The following TRPM6 variants were observed in gnomAD, a reference collection of about 807,000 sequenced individuals.
TRPM6 encodes the protein transient receptor potential cation channel subfamily M member 6.
TRPM6 carries 111 observed loss-of-function variants against 247.6 expected under a neutral mutation model. The observed-to-expected ratio is 0.45, with a 90% CI of 0.38 to 0.52. TRPM6 has a LOEUF of 0.52. Among genes scored for constraint, TRPM6 ranks in the 20% least tolerant of loss-of-function variants. The probability of loss-of-function intolerance (pLI) is 0.00; values close to 1 mark genes in which losing one functional copy is unlikely to be tolerated. For synonymous variants in TRPM6, 892 were observed against 853.8 expected, an observed-to-expected ratio of 1.04 and a Z score of -0.78; for missense variants, 2,126 against 2,421.5, an observed-to-expected ratio of 0.88 and a Z score of 2.56.
In TRPM6 at chr9:74,763,137, A is replaced by T. The variant is rs1564002986; in HGVS notation, c.3537-3T>A. Reference sequence around the variant, plus strand: ...GCTGGAAGTACATCTCTGTAACCCTAGTGGTGAAGGAAGGGAGAAAACCAA... The same window carrying T: ...GCTGGAAGTACATCTCTGTAACCCTTGTGGTGAAGGAAGGGAGAAAACCAA... On this transcript the variant is annotated splice_polypyrimidine_tract_variant and splice_region_variant and intron_variant, in intron 25 of 38. Coordinates refer to ENST00000360774, the MANE Select transcript of TRPM6 (RefSeq NM_017662.5). 6.2e-7 allele frequency: 1 copy of T among 1,608,208 alleles called. No individual in the cohort carries two copies. Among genetic ancestry groups the T allele is most frequent in the Admixed American group, 1.7e-5 (1 of 60,006 alleles).
chr9:74,792,991 T>C (rs1447782411), intron 18 of TRPM6, among the ~76,000 whole-genome samples: 1 of 152,080 alleles, frequency 6.6e-6, no homozygotes, highest in Non-Finnish European at 1.5e-5. Flanking sequence ...ACCCTGCCTC[T>C]ACTAAAAATA....
chr9:74,887,892 T>C lies in TRPM6; in HGVS notation c.-36A>G. 6.2e-7 allele frequency: 1 copy of C among 1,613,840 alleles called. No homozygotes were observed. The highest frequency in any genetic ancestry group is 8.5e-7 in the Non-Finnish European group (1 of 1,179,898). ...CAGGCCCTGCTCCCAAAGCCCTGTCTGAGCTTTTAACTGTGGAGGCAGAAA... is the reference window on the plus strand; with the variant it reads ...CAGGCCCTGCTCCCAAAGCCCTGTCCGAGCTTTTAACTGTGGAGGCAGAAA... On this transcript the variant is annotated 5_prime_UTR_variant, in exon 1 of 39. Coordinates refer to ENST00000360774, the MANE Select transcript of TRPM6 (RefSeq NM_017662.5).
chr9:74,750,928 G>A (rs185239894), intron 29 of TRPM6, among the ~76,000 whole-genome samples: 199 of 152,238 alleles, frequency 1.3e-3, no homozygotes, highest in African/African-American at 4.6e-3. Context: ...TGTGTTGATG[G>A]ACTTTAACAG....
chr9:74,882,512 C>T (rs896396435), intron 1 of TRPM6, among the ~76,000 whole-genome samples: 2 of 152,128 alleles, frequency 1.3e-5, no homozygotes, highest in Non-Finnish European at 2.9e-5. Flanking sequence ...TGAAAATATG[C>T]TCAACATCAC....
chr9:74,803,891 G>A lies in TRPM6; in HGVS notation c.1639-5C>T. 6.3e-7 allele frequency: 1 copy of A among 1,597,374 alleles called. No homozygotes were observed. Reference sequence around the variant, plus strand: ...TCCTGAGGAGTGTCTCTGGTGCTGGGAAAGGTTTTGAACAAAGCTGGTCAC... The same window carrying A: ...TCCTGAGGAGTGTCTCTGGTGCTGGAAAAGGTTTTGAACAAAGCTGGTCAC... On this transcript the variant is annotated splice_polypyrimidine_tract_variant and splice_region_variant and intron_variant, in intron 14 of 38. Coordinates refer to ENST00000360774, the MANE Select transcript of TRPM6 (RefSeq NM_017662.5).
intron 21 of TRPM6, 109 bp from the exon 22 acceptor site, chr9:74,782,962 G>A (rs977494032): frequency 2.8e-6 from 3 of 1,079,752 alleles, no homozygotes; most frequent in Non-Finnish European, 4.2e-6. Context: ...AGATTGTCTA[G>A]TCATTGACTA....
intron 13 of TRPM6, among the ~76,000 whole-genome samples, chr9:74,809,862 C>T (rs545726094): frequency 6.6e-6 from 1 of 151,436 alleles, no homozygotes; most frequent in East Asian, 2.0e-4. Flanking sequence ...CATCTGTAGT[C>T]CCAGCTATTC....
intron 1 of TRPM6, among the ~76,000 whole-genome samples, chr9:74,877,436 C>G (rs1284118807): frequency 6.6e-6 from 1 of 152,164 alleles, no homozygotes; most frequent in Non-Finnish European, 1.5e-5. Flanking sequence ...CATGTGATGG[C>G]ATTGCTCCAG....
intron 5 of TRPM6, among the ~76,000 whole-genome samples, chr9:74,834,456 C>CTTATTATTATTATTATTA (rs113274138): frequency 3.5e-4 from 53 of 150,090 alleles, no homozygotes; most frequent in African/African-American, 1.2e-3. Context: ...ATTATGAATG[C>CTTATTATTATTATTATTA]TTATTATTAT....
rs1563998872 is a variant in TRPM6, at chr9:74,755,335, A to G, written c.4906+18T>C. ...CCCACCAGGGTTTTTGGGATCCAAA[A>G]TTGTAGATGTTACATACCTGTGTGA... On this transcript the variant is annotated intron_variant, in intron 28 of 38. Transcript: ENST00000360774. 3.1e-6 allele frequency: 5 copies of G among 1,613,708 alleles called. No homozygotes were observed. Among genetic ancestry groups the G allele is most frequent in the African/African-American group, 1.3e-5 (1 of 74,902 alleles).
At position 74,796,867 on chromosome 9, in the gene TRPM6, G is replaced by T. The variant is rs747580293; in HGVS notation, c.2265C>A (p.Pro755=). The T allele has an allele frequency of 3.7e-6, 6 of 1,613,750 alleles. No homozygotes were observed. Among genetic ancestry groups the T allele is most frequent in the Non-Finnish European group, 5.1e-6 (6 of 1,179,770 alleles). Residue 755 remains proline (P), a synonymous_variant, in exon 18 of 39, where the codon CCC becomes CCA. Transcript: ENST00000360774. ...TTTTAAATTCCAGTGTCAAAATGGT[G>T]GGTGGTAAAATAATGCTTATAATAA... ...LKIIISIILP[P]TILTLEFKSK... is the part of the protein sequence containing the mutation.
In TRPM6 at chr9:74,842,169, G is replaced by T. The variant is rs1479658157; in HGVS notation, c.327C>A (p.Ala109=). The change falls in exon 4 of 39, where the codon GCC becomes GCA. Residue 109 remains alanine (A), a synonymous_variant. Transcript: ENST00000360774. Reference sequence around the variant, plus strand: ...ACAATTTGGGTTATTAGCAAACCTTGGCATGATGGGTGTGCTCTCCATCTT... The same window carrying T: ...ACAATTTGGGTTATTAGCAAACCTTTGCATGATGGGTGTGCTCTCCATCTT... ...NFQDGEHTHH[A]KYIRTSYDTK... 8 of 1,613,036 alleles carry T rather than the reference G, an allele frequency of 5.0e-6. No homozygotes were observed. Among genetic ancestry groups the T allele is most frequent in the Non-Finnish European group, 6.8e-6 (8 of 1,179,700 alleles).
intron 37 of TRPM6, among the ~76,000 whole-genome samples, chr9:74,730,912 G>A (rs993646563): frequency 6.6e-6 from 1 of 152,128 alleles, no homozygotes; most frequent in Non-Finnish European, 1.5e-5. Context: ...AGTTTCCAGA[G>A]TTCCTATCCT....
chr9:74,819,060 A>C lies in TRPM6; in HGVS notation c.1134+1244T>G, dbSNP rs563702113. Among the ~76,000 whole-genome samples the C allele has an allele frequency of 3.2e-4, 49 of 152,198 alleles. 1 individual carries two copies. Among genetic ancestry groups the C allele is most frequent in the African/African-American group, 1.2e-3 (48 of 41,530 alleles). ...CAGTGGCTTATGCCTGCAATCCCAG[A>C]ACTTTGGGAGGCCGAGACAGGCAGA... is the stretch of plus-strand genomic sequence containing the variant. On this transcript the variant is annotated intron_variant, in intron 9 of 38. Coordinates refer to ENST00000360774, the MANE Select transcript of TRPM6 (RefSeq NM_017662.5).
intron 18 of TRPM6, among the ~76,000 whole-genome samples, chr9:74,795,244 G>T (rs1442118479): frequency 6.6e-6 from 1 of 152,126 alleles, no homozygotes; most frequent in East Asian, 1.9e-4. Flanking sequence ...CTTCCAGCCA[G>T]TCTTCTTGCT....
In TRPM6 at chr9:74,790,035, T is replaced by G. The variant is rs879926337; in HGVS notation, c.2539-1293A>C. On this transcript the variant is annotated intron_variant, in intron 19 of 38. Transcript: ENST00000360774. ...GTGTGTGTGTGTGTGTGTGTGTGTG[T>G]GGGTTCATTCTCACAAGTCATATTA... Among the ~76,000 whole-genome samples, 437 of 144,618 alleles carry G rather than the reference T, an allele frequency of 3.0e-3. 4 individuals are homozygous for G. Among genetic ancestry groups the G allele is most frequent in the Non-Finnish European group, 4.7e-3 (311 of 66,258 alleles). 94.9% of individuals were successfully genotyped at this position (144,618 alleles called of 152,430 possible).
chr9:74,786,595 C>G (rs1438246693), intron 20 of TRPM6, among the ~76,000 whole-genome samples: 1 of 151,920 alleles, frequency 6.6e-6, no homozygotes, highest in African/African-American at 2.4e-5. Flanking sequence ...AAAAAATTAG[C>G]CGGGCGTGGT....
Position 74,807,664 on chromosome 9 carries a change from A to T in TRPM6, c.1638+370T>A, listed in dbSNP as rs1374121548. On this transcript the variant is annotated intron_variant, in intron 14 of 38. Coordinates refer to ENST00000360774, the MANE Select transcript of TRPM6 (RefSeq NM_017662.5). ...AGGATGAGTTTACATATCTAATCTGATTAAGCTTTTGATATCAGTATTTTC... is the reference window on the plus strand; with the variant it reads ...AGGATGAGTTTACATATCTAATCTGTTTAAGCTTTTGATATCAGTATTTTC... Among the ~76,000 whole-genome samples, 7 of 152,144 alleles carry T rather than the reference A, an allele frequency of 4.6e-5. No individual in the cohort carries two copies. In the East Asian group the frequency reaches 1.3e-3, roughly 29 times the overall value.
At chr9:74,886,643 A>G (rs913197762) in intron 1 of TRPM6, among the ~76,000 whole-genome samples, 3 of 152,108 alleles carry the variant, frequency 2.0e-5, no homozygotes, top group African/African-American at 2.4e-5. Flanking sequence ...GAGACAGGAT[A>G]CTTGGACTTT....
Sources: allele counts gnomAD v4.1 joint callset (sites outside exome capture counted in the v4.1 genomes callset), GRCh38; gene constraint gnomAD v4.1.1; transcripts MANE v1.5; gene names NCBI Gene and HGNC (gene_info 2026-07-23, HGNC 2026-07-21).